Variants in TACC2 observed in about 807,000 individuals in gnomAD.
TACC2 encodes transforming acidic coiled-coil containing protein 2, also known as transforming acidic coiled-coil-containing protein 2.
In TACC2, 137 loss-of-function variants were observed where a neutral mutation model predicts 227.3. That is an observed-to-expected ratio of 0.60 (90% CI 0.52 to 0.69). The LOEUF (loss-of-function observed/expected upper bound fraction) is 0.69, where lower values mean the gene tolerates loss of function less well. Ranked by LOEUF, TACC2 falls within the 30% of genes least tolerant of loss-of-function variation. TACC2 has a pLI of 0.00. For missense variants in TACC2, 3,470 were observed against 3,694.4 expected (o/e 0.94, Z 1.57); for synonymous variants, 1,523 against 1,487.5 (o/e 1.02, Z -0.55).
Position 122,132,599 on chromosome 10 carries a change from C to A in TACC2, c.5574-10C>A, listed in dbSNP as rs764700817. 1.9e-6 allele frequency: 3 copies of A among 1,614,090 alleles called. No homozygotes were observed. The South Asian group carries it at 3.3e-5, about 18-fold the overall frequency. ...TCTGAGTTTAGGTTCTTTCCCTTTT[C>A]TCTCCCCAGTTCACCTGTGGCAGAT... On this transcript the variant is annotated splice_polypyrimidine_tract_variant and intron_variant, in intron 5 of 22. Coordinates refer to ENST00000369005, the MANE Select transcript of TACC2 (RefSeq NM_206862.4).
intron 2 of TACC2, among the ~76,000 whole-genome samples, chr10:122,048,312 G>A (rs1222410892): frequency 1.3e-5 from 2 of 152,012 alleles, no homozygotes; most frequent in Non-Finnish European, 2.9e-5. Context: ...CACCCCTGCA[G>A]CCATGGGACT....
intron 7 of TACC2, chr10:122,163,885 C>T (rs1461515725): frequency 1.3e-6 from 2 of 1,545,456 alleles, no homozygotes; most frequent in Admixed American, 2.0e-5. Flanking sequence ...AGGACGCTGG[C>T]CCCGCTCGCG....
intron 5 of TACC2, among the ~76,000 whole-genome samples, chr10:122,130,404 TG>T (rs1038275749): frequency 5.3e-5 from 8 of 152,226 alleles, no homozygotes; most frequent in African/African-American, 1.9e-4. Flanking sequence ...GCTCCCTGAA[TG>T]GGGGGTAGGG....
chr10:122,177,195 G>A (rs2093759520), intron 7 of TACC2, among the ~76,000 whole-genome samples: 1 of 152,136 alleles, frequency 6.6e-6, no homozygotes, highest in South Asian at 2.1e-4. Context: ...GTATATTCTG[G>A]CCTCCTACAG....
At chr10:122,067,439 C>G (rs1323247796) in intron 3 of TACC2, among the ~76,000 whole-genome samples, 6 of 150,712 alleles carry the variant, frequency 4.0e-5, no homozygotes, top group Non-Finnish European at 8.9e-5. Context: ...ATATGTTTCA[C>G]TTTTTCACTG....
chr10:122,087,343 C>G lies in TACC2; in HGVS notation c.4843C>G (p.Pro1615Ala), dbSNP rs2080197826. ...CGACAGTCCACATGGAGAAGATGGTCCCGGGGACTTTGCTCACACAGGGGT... is the reference window on the plus strand; with the variant it reads ...CGACAGTCCACATGGAGAAGATGGTGCCGGGGACTTTGCTCACACAGGGGT... ...ACDSPHGEDG[P>A]GDFAHTGVPG... The change falls in exon 4 of 23, where the codon CCC becomes GCC. Residue 1615 changes from proline to alanine, a missense_variant. Coordinates refer to ENST00000369005, the MANE Select transcript of TACC2 (RefSeq NM_206862.4). 3 of 1,613,878 alleles carry G rather than the reference C, an allele frequency of 1.9e-6. No homozygotes were observed. The highest frequency in any genetic ancestry group is 2.5e-6 in the Non-Finnish European group (3 of 1,180,020).
At chr10:122,229,528 C>A (rs371542704) in intron 15 of TACC2, 42 bp downstream of exon 15, 1 of 1,610,774 alleles carries the variant, frequency 6.2e-7, no homozygotes, top group Non-Finnish European at 8.5e-7. Flanking sequence ...TTGTCAAAAC[C>A]TCAGTAGAGA....
chr10:122,115,640 G>T (rs1397974961), intron 5 of TACC2, among the ~76,000 whole-genome samples: 2 of 152,234 alleles, frequency 1.3e-5, no homozygotes, highest in African/African-American at 4.8e-5. Context: ...GAGGATGAAA[G>T]AAAGGGTCTC....
At position 122,249,611 on chromosome 10, in the gene TACC2, C is replaced by G; in HGVS notation, c.8728C>G (p.Leu2910Val). 1 of 1,613,990 alleles carries G rather than the reference C, an allele frequency of 6.2e-7. No homozygotes were observed. The highest frequency in any genetic ancestry group is 1.7e-4 in the Middle Eastern group (1 of 6,052). Residue 2910 changes from leucine to valine, a missense_variant, in exon 22 of 23, where the codon CTG becomes GTG. Coordinates refer to ENST00000369005, the MANE Select transcript of TACC2 (RefSeq NM_206862.4). Reference sequence around the variant, plus strand: ...GGAGCAAGCCGCCCACCAGGCCAGCCTGCGGAAGGAGCAGCTGCGAGTGGA... The same window carrying G: ...GGAGCAAGCCGCCCACCAGGCCAGCGTGCGGAAGGAGCAGCTGCGAGTGGA... ...QQEQAAHQAS[L>V]RKEQLRVDAL...
intron 3 of TACC2, among the ~76,000 whole-genome samples, chr10:122,082,343 C>T (rs947220629): frequency 6.6e-6 from 1 of 152,126 alleles, no homozygotes; most frequent in African/African-American, 2.4e-5. Flanking sequence ...TTGGGTTTCC[C>T]ACATTTTATA....
At chr10:122,009,861 G>T (rs1955705317) in intron 1 of TACC2, among the ~76,000 whole-genome samples, 1 of 152,102 alleles carries the variant, frequency 6.6e-6, no homozygotes, top group Non-Finnish European at 1.5e-5. Context: ...AGGAGGCGGA[G>T]GTTGCAGTGA....
chr10:122,225,725 G>C (rs2095614101), intron 12 of TACC2, among the ~76,000 whole-genome samples: 1 of 152,228 alleles, frequency 6.6e-6, no homozygotes, highest in African/African-American at 2.4e-5. Flanking sequence ...ACTGCCTGGT[G>C]CGTTGGCAGG....
At chr10:122,234,146 A>AG (rs2095813300) in intron 16 of TACC2, among the ~76,000 whole-genome samples, 1 of 152,178 alleles carries the variant, frequency 6.6e-6, no homozygotes, top group African/African-American at 2.4e-5. Flanking sequence ...TCTCTGCTCC[A>AG]GGGGACAGGG....
intron 11 of TACC2, among the ~76,000 whole-genome samples, chr10:122,219,560 G>C (rs1286270653): frequency 6.6e-6 from 1 of 152,166 alleles, no homozygotes; most frequent in African/African-American, 2.4e-5. Context: ...ATTTGATCCT[G>C]CAGTGGGCAT....
At chr10:121,997,052 C>G (rs1319861259) in intron 1 of TACC2, among the ~76,000 whole-genome samples, 1 of 151,868 alleles carries the variant, frequency 6.6e-6, no homozygotes, top group Admixed American at 6.6e-5. Context: ...GTGGAAAGAG[C>G]CTGGAGGTGG....
intron 8 of TACC2, among the ~76,000 whole-genome samples, chr10:122,204,700 G>T (rs999175354): frequency 2.0e-5 from 3 of 152,180 alleles, no homozygotes; most frequent in Admixed American, 6.5e-5. Flanking sequence ...GCCAGGTGTG[G>T]TGTCACGAGT....
rs34221080 is a variant in TACC2, at chr10:122,129,060, A to AATTATTATTATTATT, written c.5574-3527_5574-3513dup. 7.6e-3 allele frequency among the ~76,000 whole-genome samples: 971 copies of AATTATTATTATTATT among 128,514 alleles called. 8 individuals are homozygous for AATTATTATTATTATT. The highest frequency in any genetic ancestry group is 0.023 in the Admixed American group (297 of 12,666). The allele number at this position is 128,514 out of a possible 152,430, so 84.3% of individuals were successfully genotyped here. On this transcript the variant is annotated intron_variant, in intron 5 of 22. Transcript: ENST00000369005. ...GATACATGAAGATCTATCTTATTTT[A>AATTATTATTATTATT]ATTATTATTATTATTATTATTATTA...
chr10:122,082,549 G>A, intron 3 of TACC2, 98 bp from the exon 4 acceptor site: 1 of 1,329,200 alleles, frequency 7.5e-7, no homozygotes, highest in Non-Finnish European at 1.0e-6. Flanking sequence ...TAGGGCACTT[G>A]ATGCCCTTTT....
chr10:122,253,944 G>A, intron 22 of TACC2, 47 bp from the exon 23 acceptor site: 1 of 1,551,506 alleles, frequency 6.4e-7, no homozygotes, highest in South Asian at 1.1e-5. Flanking sequence ...CATTCTGACT[G>A]GCCAGATTTC....
Sources: gnomAD v4.1 joint callset for allele counts (sites outside exome capture counted in the v4.1 genomes callset) on GRCh38, gnomAD v4.1.1 for gene constraint, MANE v1.5 for transcripts, NCBI Gene and HGNC (gene_info 2026-07-23, HGNC 2026-07-21) for gene names.